Variants in APOBR observed in about 807,000 individuals in gnomAD.
APOBR encodes apolipoprotein B receptor, also known as apoB-48R.
In APOBR, 57 loss-of-function variants were observed where a neutral mutation model predicts 88.5. That is an observed-to-expected ratio of 0.64 (90% CI 0.52 to 0.80). APOBR has a LOEUF of 0.80. APOBR is among the 30% of genes least tolerant of loss of function. The pLI, the probability that APOBR is intolerant of heterozygous loss-of-function variation, is 0.00. For missense variants in APOBR, 1,443 were observed against 1,401.6 expected (o/e 1.03, Z -0.47); for synonymous variants, 588 against 572.7 (o/e 1.03, Z -0.38).
At position 28,498,313 on chromosome 16, in the gene APOBR, C is replaced by A. The variant is rs758006811; in HGVS notation, c.3188C>A (p.Thr1063Asn). 6.3e-7 allele frequency: 1 copy of A among 1,599,966 alleles called. No homozygotes were observed. Residue 1063 changes from threonine to asparagine, a missense_variant, in exon 3 of 4, where the codon ACC (threonine) becomes AAC (asparagine). Transcript: ENST00000564831. ...CCAAGCCCTCTGAGGCATGATGGGA[C>A]CCCGGTGCCAGCCAGGAGAAGGCCC... ...LEPSPLRHDGTPVPARRRPLG... is the reference protein window; with the variant it reads ...LEPSPLRHDGNPVPARRRPLG...
Position 28,495,608 on chromosome 16 carries a change from G to C in APOBR, c.567G>C (p.Glu189Asp). ...EEEEEEVRAR[E>D]PGMARGAESE... Reference sequence around the variant, plus strand: ...AGGAGGAAGAGGTCAGGGCAAGAGAGCCAGGGATGGCCAGAGGGGCGGAGT... The same window carrying C: ...AGGAGGAAGAGGTCAGGGCAAGAGACCCAGGGATGGCCAGAGGGGCGGAGT... Residue 189 changes from glutamate (E) to aspartate (D), a missense_variant, in exon 2 of 4, where the codon GAG becomes GAC. Coordinates refer to ENST00000564831, the MANE Select transcript of APOBR (RefSeq NM_018690.4). 1 of 1,559,822 alleles carries C rather than the reference G, an allele frequency of 6.4e-7. No individual in the cohort carries two copies. The highest frequency in any genetic ancestry group is 8.7e-7 in the Non-Finnish European group (1 of 1,151,744).
chr16:28,494,736 C>G lies in APOBR; in HGVS notation c.55C>G (p.Leu19Val). Residue 19 changes from leucine to valine, a missense_variant and splice_region_variant, in exon 1 of 4, where the codon CTG becomes GTG. By Grantham distance (32) the Leu-to-Val change is conservative. Transcript: ENST00000564831. Reference sequence around the variant, plus strand: ...GCTGCACCAGGCCTTGAGGGGGGCACTGGTGAGAAGGGCAGACAGCTGCCA... The same window carrying G: ...GCTGCACCAGGCCTTGAGGGGGGCAGTGGTGAGAAGGGCAGACAGCTGCCA... ...PGLHQALRGA[L>V]DSLGTFVSYL... is the part of the protein sequence containing the mutation. 1 of 1,610,114 alleles carries G rather than the reference C, an allele frequency of 6.2e-7. No individual in the cohort carries two copies. The highest frequency in any genetic ancestry group is 8.5e-7 in the Non-Finnish European group (1 of 1,178,016).
chr16:28,495,241 TG>T lies in APOBR; in HGVS notation c.202del (p.Glu68ArgfsTer14). On this transcript the variant is annotated frameshift_variant, in exon 2 of 4. Transcript: ENST00000564831. LOFTEE classifies it high-confidence loss of function. ...KIVEEEAQED[L>X]EGLRGSQNEG... ...GTAGAGGAGGAAGCCCAGGAGGACC[TG>T]GAGGGCCTTAGAGGCAGCCAAAACG... The T allele has an allele frequency of 1.3e-6, 2 of 1,539,874 alleles. No individual in the cohort carries two copies. Among genetic ancestry groups the T allele is most frequent in the Non-Finnish European group, 8.7e-7 (1 of 1,146,488 alleles).
chr16:28,498,908 T>C lies in APOBR; in HGVS notation c.*403T>C, dbSNP rs2141735163. On this transcript the variant is annotated 3_prime_UTR_variant, in exon 4 of 4. Transcript: ENST00000564831. ...GACCAGCCTGGGCAGCATAGCAAGA[T>C]CCCCATCTTTTAAAAACAAAATAAA... is the stretch of plus-strand genomic sequence containing the variant. The C allele has an allele frequency of 1.9e-6, 1 of 520,956 alleles. No individual in the cohort carries two copies. Among genetic ancestry groups the C allele is most frequent in the Non-Finnish European group, 3.6e-6 (1 of 275,160 alleles). 32.3% of individuals were successfully genotyped at this position (520,956 alleles called of 1,614,324 possible). A position where few individuals can be genotyped will look rare whatever the true frequency, so the allele number is the denominator to read the frequency against.
rs995723200 is a variant in APOBR at position 28,497,077 on chromosome 16, A to G, written c.2036A>G (p.Glu679Gly). The change falls in exon 2 of 4, where the codon GAG becomes GGG. Residue 679 changes from glutamate (E) to glycine (G), a missense_variant. By Grantham distance (98) the Glu-to-Gly change is moderately conservative. Transcript: ENST00000564831. Reference sequence around the variant, plus strand: ...TCAGAAGTCCCAGAGGCAGGCGGGGAGGGGCTGACAACCCAGGACGCGGGA... The same window carrying G: ...TCAGAAGTCCCAGAGGCAGGCGGGGGGGGGCTGACAACCCAGGACGCGGGA... ...ELSEVPEAGGEGLTTQDAGCG... is the reference protein window; with the variant it reads ...ELSEVPEAGGGGLTTQDAGCG... 1 of 1,592,662 alleles carries G rather than the reference A, an allele frequency of 6.3e-7. No individual in the cohort carries two copies.
chr16:28,495,518 G>C lies in APOBR; in HGVS notation c.477G>C (p.Arg159Ser). ...CQDRSGQAQE[R>S]QESHEQEVNR... ...ACAGGAGCGGCCAAGCCCAGGAGAG[G>C]CAGGAGTCCCATGAGCAGGAAGTGA... Residue 159 changes from arginine (R) to serine (S), a missense_variant, in exon 2 of 4, where the codon AGG (arginine) becomes AGC (serine). Physicochemically the swap from Arg to Ser is moderately radical, Grantham distance 110. Coordinates refer to ENST00000564831, the MANE Select transcript of APOBR (RefSeq NM_018690.4). 1.9e-6 allele frequency: 3 copies of C among 1,568,792 alleles called. No homozygotes were observed. The highest frequency in any genetic ancestry group is 2.6e-6 in the Non-Finnish European group (3 of 1,157,142).
chr16:28,498,757 C>T lies in APOBR; in HGVS notation c.*252C>T. On this transcript the variant is annotated 3_prime_UTR_variant, in exon 4 of 4. Transcript: ENST00000564831. ...TGAGACCACCTCTCAGGGTGCCTGC[C>T]CTGGTTCCTCCCCAGCCTGAGTCAG... 1 of 585,416 alleles carries T rather than the reference C, an allele frequency of 1.7e-6. No homozygotes were observed. The highest frequency in any genetic ancestry group is 3.0e-6 in the Non-Finnish European group (1 of 328,334). The allele number at this position is 585,416 out of a possible 1,614,324, so 36.3% of individuals were successfully genotyped here. A position where few individuals can be genotyped will look rare whatever the true frequency, so the allele number is the denominator to read the frequency against.
In APOBR at chr16:28,497,918, G is replaced by C. The variant is rs537978659; in HGVS notation, c.2877G>C (p.Ala959=). The C allele has an allele frequency of 1.2e-6, 2 of 1,613,638 alleles. No individual in the cohort carries two copies. The highest frequency in any genetic ancestry group is 1.7e-6 in the Non-Finnish European group (2 of 1,179,764). Residue 959 remains alanine, a synonymous_variant, in exon 2 of 4, where the codon GCG becomes GCC. Coordinates refer to ENST00000564831, the MANE Select transcript of APOBR (RefSeq NM_018690.4). The part of the protein sequence containing the change: ...QPTHQAPAEA[A]PESVGEAETA... ...CACACCAGGCCCCTGCAGAAGCTGC[G>C]CCGGAGTCAGTCGGGGAAGCCGAGA...
At position 28,496,978 on chromosome 16, in the gene APOBR, A is replaced by G. The variant is rs1393061093; in HGVS notation, c.1937A>G (p.Gln646Arg). ...NTQEDAADGE[Q>R]REEEETAGGQ... ...CAGGAGGATGCGGCCGATGGCGAGC[A>G]GCGGGAGGAGGAGGAGACTGCGGGA... Residue 646 changes from glutamine to arginine, a missense_variant, in exon 2 of 4, where the codon CAG becomes CGG. Transcript: ENST00000564831. 15 of 1,561,164 alleles carry G rather than the reference A, an allele frequency of 9.6e-6. No homozygotes were observed. Among genetic ancestry groups the G allele is most frequent in the African/African-American group, 8.2e-5 (6 of 73,572 alleles).
chr16:28,495,212 G>C lies in APOBR; in HGVS notation c.171G>C (p.Lys57Asn), dbSNP rs776257630. Residue 57 changes from lysine to asparagine, a missense_variant, in exon 2 of 4, where the codon AAG becomes AAC. Transcript: ENST00000564831. ...TGGTGGCGGTGGGAAAGACAGGGAA[G>C]ATTGTAGAGGAGGAAGCCCAGGAGG... ...LGVVAVGKTG[K>N]IVEEEAQEDL... The C allele has an allele frequency of 6.4e-7, 1 of 1,556,830 alleles. No homozygotes were observed. The highest frequency in any genetic ancestry group is 1.2e-5 in the South Asian group (1 of 82,474).
chr16:28,496,892 C>T lies in APOBR; in HGVS notation c.1851C>T (p.Ser617=), dbSNP rs1247473110. 1.9e-5 allele frequency: 29 copies of T among 1,560,786 alleles called. No homozygotes were observed. Among genetic ancestry groups the T allele is most frequent in the East Asian group, 9.5e-5 (4 of 41,890 alleles). The part of the protein sequence containing the change: ...RHAGSVKPEA[S]EAFPGAWENR... Reference sequence around the variant, plus strand: ...CGGGGTCTGTAAAGCCTGAGGCCTCCGAGGCCTTCCCAGGAGCCTGGGAAA... The same window carrying T: ...CGGGGTCTGTAAAGCCTGAGGCCTCTGAGGCCTTCCCAGGAGCCTGGGAAA... Residue 617 remains serine (S), a synonymous_variant, in exon 2 of 4, where the codon TCC becomes TCT. Transcript: ENST00000564831.
rs13306182 is a variant in APOBR at position 28,495,542 on chromosome 16, G to A, written c.501G>A (p.Val167=). 1.2e-3 allele frequency: 1,892 copies of A among 1,567,688 alleles called. 68 individuals carry two copies. In the East Asian group the frequency reaches 0.042, roughly 35 times the overall value. Residue 167 remains valine (V), a synonymous_variant, in exon 2 of 4, where the codon GTG becomes GTA. Transcript: ENST00000564831. ...QERQESHEQE[V]NREERLRSWE... ...GGCAGGAGTCCCATGAGCAGGAAGTGAACAGAGAAGAGAGGCTGAGAAGCT... is the reference window on the plus strand; with the variant it reads ...GGCAGGAGTCCCATGAGCAGGAAGTAAACAGAGAAGAGAGGCTGAGAAGCT...
In APOBR at chr16:28,498,703, G is replaced by A. The variant is rs1002685253; in HGVS notation, c.*198G>A. ...GTGAACTTAAGGAGTCTGATTCTCCGACACAGGCTGGTGGACCACCTACCC... is the reference window on the plus strand; with the variant it reads ...GTGAACTTAAGGAGTCTGATTCTCCAACACAGGCTGGTGGACCACCTACCC... On this transcript the variant is annotated 3_prime_UTR_variant, in exon 4 of 4. Coordinates refer to ENST00000564831, the MANE Select transcript of APOBR (RefSeq NM_018690.4). The A allele has an allele frequency of 1.8e-5, 12 of 663,120 alleles. No individual in the cohort carries two copies. The highest frequency in any genetic ancestry group is 5.5e-5 in the East Asian group (2 of 36,184). 41.1% of individuals were successfully genotyped at this position (663,120 alleles called of 1,614,324 possible).
In APOBR at chr16:28,496,695, G is replaced by C; in HGVS notation, c.1654G>C (p.Gly552Arg). Residue 552 changes from glycine (G) to arginine (R), a missense_variant, in exon 2 of 4, where the codon GGT (glycine) becomes CGT (arginine). Transcript: ENST00000564831. Reference sequence around the variant, plus strand: ...CTGTGGCCTACTGGGCGTGGAATGGGGTGGCCTCACACACAGCGTCACCAA... The same window carrying C: ...CTGTGGCCTACTGGGCGTGGAATGGCGTGGCCTCACACACAGCGTCACCAA... The part of the protein sequence containing the change: ...TSCGLLGVEW[G>R]GLTHSVTKGQ... 1.2e-6 allele frequency: 2 copies of C among 1,604,376 alleles called. No individual in the cohort carries two copies. Among genetic ancestry groups the C allele is most frequent in the Non-Finnish European group, 1.7e-6 (2 of 1,175,804 alleles).
chr16:28,498,440 GGCCTCGCGC>G lies in APOBR; in HGVS notation c.3230_3238del (p.Gly1077_His1080delinsAsp). ...GGGCCTGACTTCCGCCTCCAGGTTTGGCCTCGCGCACCCTGGCATGATGCAGGAGCTGCA... is the reference window on the plus strand; with the variant it reads ...GGGCCTGACTTCCGCCTCCAGGTTTGACCCTGGCATGATGCAGGAGCTGCA... On this transcript the variant is annotated inframe_deletion, in exon 4 of 4. Coordinates refer to ENST00000564831, the MANE Select transcript of APOBR (RefSeq NM_018690.4). The G allele has an allele frequency of 6.2e-7, 1 of 1,601,204 alleles. No homozygotes were observed. Among genetic ancestry groups the G allele is most frequent in the South Asian group, 1.1e-5 (1 of 88,518 alleles).
At position 28,498,014 on chromosome 16, in the gene APOBR, G is replaced by T; in HGVS notation, c.2955+18G>T. The T allele has an allele frequency of 1.9e-6, 3 of 1,564,302 alleles. No homozygotes were observed. Among genetic ancestry groups the T allele is most frequent in the Non-Finnish European group, 2.6e-6 (3 of 1,159,214 alleles). On this transcript the variant is annotated intron_variant, in intron 2 of 3. Coordinates refer to ENST00000564831, the MANE Select transcript of APOBR (RefSeq NM_018690.4). ...GGAGCGAGGTGAGGGCTCTTGGTGG[G>T]GTCTCGGGGGGAACGAGTGGAATCC...
At position 28,497,751 on chromosome 16, in the gene APOBR, T is replaced by A. The variant is rs1462250731; in HGVS notation, c.2710T>A (p.Cys904Ser). 6.2e-7 allele frequency: 1 copy of A among 1,603,804 alleles called. No individual in the cohort carries two copies. The highest frequency in any genetic ancestry group is 1.7e-5 in the Admixed American group (1 of 57,852). The change falls in exon 2 of 4, where the codon TGT (cysteine) becomes AGT (serine). Residue 904 changes from cysteine to serine, a missense_variant. By Grantham distance (112) the Cys-to-Ser change is moderately radical (BLOSUM62 -1). Transcript: ENST00000564831. ...REQREDSEGR[C>S]GDYHPEGEAP... ...ACAGAGGGAAGACAGTGAGGGGCGG[T>A]GTGGGGACTACCACCCTGAGGGAGA...
rs1382538184 is a variant in APOBR at position 28,496,972 on chromosome 16, G to A, written c.1931G>A (p.Gly644Asp). The part of the protein sequence containing the change: ...RGNTQEDAAD[G>D]EQREEEETAG... ...AATACTCAGGAGGATGCGGCCGATG[G>A]CGAGCAGCGGGAGGAGGAGGAGACT... Residue 644 changes from glycine (G) to aspartate (D), a missense_variant, in exon 2 of 4, where the codon GGC (glycine) becomes GAC (aspartate). Gly to Asp is a moderately conservative substitution (Grantham distance 94). Coordinates refer to ENST00000564831, the MANE Select transcript of APOBR (RefSeq NM_018690.4). 1.3e-6 allele frequency: 2 copies of A among 1,559,416 alleles called. No individual in the cohort carries two copies. The highest frequency in any genetic ancestry group is 1.4e-5 in the African/African-American group (1 of 73,602).
chr16:28,498,242 G>A lies in APOBR; in HGVS notation c.3117G>A (p.Leu1039=), dbSNP rs767516489. The change falls in exon 3 of 4, where the codon CTG becomes CTA. Residue 1039 remains leucine (L), a synonymous_variant. Coordinates refer to ENST00000564831, the MANE Select transcript of APOBR (RefSeq NM_018690.4). ...PPAPNPPEEE[L]SAPEQRPLQL... Reference sequence around the variant, plus strand: ...CCCCCAACCCTCCTGAGGAGGAGCTGTCAGCTCCTGAGCAGAGACCCCTCC... The same window carrying A: ...CCCCCAACCCTCCTGAGGAGGAGCTATCAGCTCCTGAGCAGAGACCCCTCC... The A allele has an allele frequency of 6.2e-7, 1 of 1,607,716 alleles. No homozygotes were observed. Among genetic ancestry groups the A allele is most frequent in the African/African-American group, 1.3e-5 (1 of 74,926 alleles).
Sources: allele counts gnomAD v4.1 joint callset, GRCh38; gene constraint gnomAD v4.1.1; transcripts MANE v1.5; gene names NCBI Gene and HGNC (gene_info 2026-07-23, HGNC 2026-07-21).